ADAMTSL1: variants seen among roughly 807,000 people sequenced by gnomAD.
ADAMTSL1 encodes ADAMTS like 1.
A neutral mutation model predicts 201.8 loss-of-function variants in ADAMTSL1; 126 were observed. That is an observed-to-expected ratio of 0.62 (90% CI 0.54 to 0.72). The LOEUF (loss-of-function observed/expected upper bound fraction) is 0.72. Ranked by LOEUF, ADAMTSL1 falls within the 30% of genes least tolerant of loss-of-function variation. The pLI, the probability that ADAMTSL1 is intolerant of heterozygous loss-of-function variation, is 0.00. For missense variants in ADAMTSL1, 2,679 were observed against 2,277.8 expected (o/e 1.18, Z -3.59); for synonymous variants, 1,121 against 903.4 (o/e 1.24, Z -4.32).
chr9:18,558,785 G>A (rs764193894), intron 3 of ADAMTSL1, among the ~76,000 whole-genome samples: 9 of 151,874 alleles, frequency 5.9e-5, no homozygotes, highest in Non-Finnish European at 1.2e-4. Flanking sequence ...TTTTTCGTAT[G>A]TTTGTTGGCC....
At chr9:18,736,059 C>T (rs1285828519) in intron 15 of ADAMTSL1, among the ~76,000 whole-genome samples, 1 of 151,930 alleles carries the variant, frequency 6.6e-6, no homozygotes, top group Non-Finnish European at 1.5e-5. Context: ...TGTAGAAAAC[C>T]ACAGAAGGAA....
intron 2 of ADAMTSL1, among the ~76,000 whole-genome samples, chr9:18,262,304 A>G (rs1225127118): frequency 6.6e-6 from 1 of 152,216 alleles, no homozygotes; most frequent in Non-Finnish European, 1.5e-5. Flanking sequence ...CTTATAAAGG[A>G]TGCAGTGCCC....
intron 4 of ADAMTSL1, among the ~76,000 whole-genome samples, chr9:18,600,289 C>T (rs916701405): frequency 1.3e-5 from 2 of 152,102 alleles, no homozygotes; most frequent in Non-Finnish European, 2.9e-5. Flanking sequence ...TCTAACCATG[C>T]CAGACACTCC....
intron 4 of ADAMTSL1, among the ~76,000 whole-genome samples, chr9:18,608,081 G>A (rs1184879902): frequency 3.3e-5 from 5 of 152,126 alleles, no homozygotes; most frequent in Non-Finnish European, 2.9e-5. Context: ...ATTGTGGTGT[G>A]AACCATAAAA....
chr9:18,841,186 T>C (rs201349543), intron 23 of ADAMTSL1, among the ~76,000 whole-genome samples: 1 of 152,128 alleles, frequency 6.6e-6, no homozygotes, highest in African/African-American at 2.4e-5. Flanking sequence ...TCATAGTTAG[T>C]TCTTATTATT....
intron 1 of ADAMTSL1, among the ~76,000 whole-genome samples, chr9:18,474,955 C>A (rs1020170533): frequency 1.3e-5 from 2 of 152,172 alleles, no homozygotes; most frequent in Admixed American, 6.5e-5. Flanking sequence ...TGATAAGATG[C>A]TCTGCTCTTG....
intron 13 of ADAMTSL1, among the ~76,000 whole-genome samples, chr9:18,701,590 C>T (rs1282256191): frequency 6.6e-6 from 1 of 152,156 alleles, no homozygotes; most frequent in Non-Finnish European, 1.5e-5. Context: ...TGTCATGCCA[C>T]CACTCACATA....
intron 1 of ADAMTSL1, among the ~76,000 whole-genome samples, chr9:17,997,922 A>G (rs1819450483): frequency 1.3e-5 from 2 of 152,022 alleles, no homozygotes; most frequent in Non-Finnish European, 2.9e-5. Flanking sequence ...AAATGCTATG[A>G]TGATAGTTGC....
intron 2 of ADAMTSL1, among the ~76,000 whole-genome samples, chr9:18,372,968 G>T (rs1252164597): frequency 6.6e-6 from 1 of 152,176 alleles, no homozygotes; most frequent in African/African-American, 2.4e-5. Context: ...TCTGTCCTGG[G>T]CATATTATAA....
chr9:18,770,807 G>A lies in ADAMTSL1; in HGVS notation c.2397+26G>A, dbSNP rs375002239. 793 of 1,604,512 alleles carry A rather than the reference G, an allele frequency of 4.9e-4. 1 individual carries two copies. The highest frequency in any genetic ancestry group is 3.7e-4 in the Non-Finnish European group (437 of 1,173,694). ...GTATGTATGTTCCTCCGAAGAGAAT[G>A]AAAGAGATCCAAGTAGGAAAAGAAG... On this transcript the variant is annotated intron_variant, in intron 17 of 28. Coordinates refer to ENST00000380548, the MANE Select transcript of ADAMTSL1 (RefSeq NM_001040272.6).
chr9:18,461,824 A>T (rs140909154), intron 2 of ADAMTSL1, among the ~76,000 whole-genome samples: 193 of 152,298 alleles, frequency 1.3e-3, no homozygotes, highest in African/African-American at 4.5e-3. Flanking sequence ...TTAGAAGATA[A>T]ATAGTTATCC....
intron 2 of ADAMTSL1, among the ~76,000 whole-genome samples, chr9:18,435,455 C>A (rs1255971093): frequency 1.3e-5 from 2 of 152,106 alleles, no homozygotes; most frequent in African/African-American, 2.4e-5. Flanking sequence ...AAATATGTAA[C>A]TGCAACACTG....
At chr9:17,986,549 C>T (rs569766455) in intron 1 of ADAMTSL1, among the ~76,000 whole-genome samples, 2 of 152,108 alleles carry the variant, frequency 1.3e-5, no homozygotes, top group South Asian at 4.1e-4. Flanking sequence ...TTTCTCTCAC[C>T]TGCATTTCTC....
At chr9:18,535,039 C>G (rs1819673104) in intron 3 of ADAMTSL1, among the ~76,000 whole-genome samples, 1 of 152,184 alleles carries the variant, frequency 6.6e-6, no homozygotes, top group African/African-American at 2.4e-5. Context: ...CTCCTCATTA[C>G]TTGTGCAAAT....
intron 14 of ADAMTSL1, among the ~76,000 whole-genome samples, chr9:18,718,743 G>A (rs1833132772): frequency 6.6e-6 from 1 of 152,142 alleles, no homozygotes; most frequent in South Asian, 2.1e-4. Context: ...GGAAACACAG[G>A]TCACATCACT....
At chr9:18,308,173 C>T (rs1833980966) in intron 2 of ADAMTSL1, among the ~76,000 whole-genome samples, 1 of 152,108 alleles carries the variant, frequency 6.6e-6, no homozygotes, top group African/African-American at 2.4e-5. Context: ...GCACCAGAAT[C>T]TCTGGGACAC....
intron 23 of ADAMTSL1, among the ~76,000 whole-genome samples, chr9:18,856,630 G>A (rs1441572432): frequency 3.3e-5 from 5 of 151,772 alleles, no homozygotes; most frequent in Non-Finnish European, 5.9e-5. Flanking sequence ...GCTAATTTTT[G>A]TATTTTTAGT....
At chr9:18,400,884 G>A (rs1817960468) in intron 2 of ADAMTSL1, among the ~76,000 whole-genome samples, 1 of 152,110 alleles carries the variant, frequency 6.6e-6, no homozygotes, top group Non-Finnish European at 1.5e-5. Context: ...ATGAAGCTCA[G>A]GACAGCTGGC....
chr9:18,382,560 A>C (rs1837601991), intron 2 of ADAMTSL1, among the ~76,000 whole-genome samples: 1 of 152,062 alleles, frequency 6.6e-6, no homozygotes. Flanking sequence ...CTCTACTGGC[A>C]CATGGAGTCT....
Sources: allele counts gnomAD v4.1 joint callset (sites outside exome capture counted in the v4.1 genomes callset), GRCh38; gene constraint gnomAD v4.1.1; transcripts MANE v1.5; gene names NCBI Gene and HGNC (gene_info 2026-07-23, HGNC 2026-07-21).